SPOCK3: variants seen among roughly 807,000 people sequenced by gnomAD.
The protein encoded by SPOCK3 is testican-3.
In SPOCK3, 30 loss-of-function variants were observed where a neutral mutation model predicts 56.6. The ratio of observed to expected loss-of-function variants is 0.53; its 90% CI spans 0.40 to 0.72. The LOEUF (loss-of-function observed/expected upper bound fraction) is 0.72. SPOCK3 is among the 30% of genes least tolerant of loss of function. SPOCK3 has a pLI of 0.00. For missense variants in SPOCK3, 527 were observed against 530.0 expected (o/e 0.99, Z 0.06); for synonymous variants, 196 against 183.3 (o/e 1.07, Z -0.56).
chr4:167,187,733 G>T (rs1458201169), intron 2 of SPOCK3, among the ~76,000 whole-genome samples: 3 of 151,940 alleles, frequency 2.0e-5, no homozygotes, highest in African/African-American at 7.3e-5. Context: ...TTAGAAAAAT[G>T]AACTCCTTTA....
At chr4:166,994,221 T>A (rs893215066) in intron 4 of SPOCK3, among the ~76,000 whole-genome samples, 5 of 152,190 alleles carry the variant, frequency 3.3e-5, no homozygotes, top group African/African-American at 1.2e-4. Context: ...TAGCTAACCC[T>A]ATCATAATGC....
chr4:166,806,717 A>C (rs1481825102), intron 6 of SPOCK3, among the ~76,000 whole-genome samples: 1 of 152,024 alleles, frequency 6.6e-6, no homozygotes, highest in African/African-American at 2.4e-5. Context: ...CTATTAATGC[A>C]TTGTCTTAAA....
chr4:166,824,926 C>T (rs542725499), intron 6 of SPOCK3, among the ~76,000 whole-genome samples: 42 of 152,098 alleles, frequency 2.8e-4, no homozygotes, highest in African/African-American at 9.9e-4. Flanking sequence ...GCAATTTAAA[C>T]CTACTCTATG....
At chr4:166,993,801 T>C (rs34260276) in intron 4 of SPOCK3, among the ~76,000 whole-genome samples, 3,983 of 152,274 alleles carry the variant, frequency 0.026, 82 homozygotes, top group Middle Eastern at 0.061. Flanking sequence ...AATTCTACCT[T>C]GGGTTGGGAG....
At chr4:166,851,612 G>T (rs1205369443) in intron 6 of SPOCK3, among the ~76,000 whole-genome samples, 1 of 152,228 alleles carries the variant, frequency 6.6e-6, no homozygotes, top group Non-Finnish European at 1.5e-5. Flanking sequence ...CCAATACAGA[G>T]AAGTGCTTAA....
chr4:166,852,964 A>C (rs987228188), intron 6 of SPOCK3, among the ~76,000 whole-genome samples: 2 of 152,218 alleles, frequency 1.3e-5, no homozygotes, highest in Non-Finnish European at 2.9e-5. Context: ...TGAATTAGTG[A>C]GACCACCTTT....
At chr4:166,978,306 G>A (rs142237268) in intron 4 of SPOCK3, among the ~76,000 whole-genome samples, 1,930 of 152,218 alleles carry the variant, frequency 0.013, 18 homozygotes, top group Non-Finnish European at 0.019. Context: ...GAAATGGCAA[G>A]CAGAGATTGA....
intron 9 of SPOCK3, among the ~76,000 whole-genome samples, chr4:166,738,399 A>G (rs1175739559): frequency 1.5e-5 from 2 of 131,012 alleles, no homozygotes; most frequent in Non-Finnish European, 3.2e-5. Flanking sequence ...GAATAGTAGA[A>G]CAGATAGATA....
intron 2 of SPOCK3, among the ~76,000 whole-genome samples, chr4:167,175,677 A>G (rs759750956): frequency 9.2e-5 from 14 of 152,100 alleles, no homozygotes; most frequent in Non-Finnish European, 1.5e-5. Flanking sequence ...AAAGACAGGC[A>G]TCTATGAGCT....
intron 6 of SPOCK3, among the ~76,000 whole-genome samples, chr4:166,818,652 C>A (rs1744615742): frequency 6.6e-6 from 1 of 151,964 alleles, no homozygotes; most frequent in South Asian, 2.1e-4. Flanking sequence ...TCACTTATCA[C>A]AACTAATGGT....
At chr4:166,763,133 G>GA (rs34313837) in intron 7 of SPOCK3, among the ~76,000 whole-genome samples, 208 of 145,520 alleles carry the variant, frequency 1.4e-3, no homozygotes, top group East Asian at 8.3e-3. Flanking sequence ...GCATCAAAAA[G>GA]AAAAAAAAAA....
intron 4 of SPOCK3, among the ~76,000 whole-genome samples, chr4:166,968,073 G>C (rs1284810815): frequency 6.6e-6 from 1 of 152,106 alleles, no homozygotes; most frequent in African/African-American, 2.4e-5. Flanking sequence ...GATGATTTAG[G>C]GTAGCTGGTG....
chr4:166,844,963 A>C (rs1249546730), intron 6 of SPOCK3, among the ~76,000 whole-genome samples: 1 of 152,192 alleles, frequency 6.6e-6, no homozygotes, highest in East Asian at 1.9e-4. Flanking sequence ...CTTTGTTGAT[A>C]TTTGGATTGC....
chr4:167,186,484 G>A (rs910107660), intron 2 of SPOCK3, among the ~76,000 whole-genome samples: 7 of 151,594 alleles, frequency 4.6e-5, no homozygotes, highest in African/African-American at 1.7e-4. Flanking sequence ...AAAATTAGCT[G>A]AGCGTGGTGG....
chr4:166,767,870 C>T (rs1273550030), intron 7 of SPOCK3, among the ~76,000 whole-genome samples: 1 of 152,168 alleles, frequency 6.6e-6, no homozygotes, highest in African/African-American at 2.4e-5. Flanking sequence ...AATCTGGATG[C>T]TCCCATATTG....
At chr4:167,170,699 G>C (rs1561288354) in intron 2 of SPOCK3, among the ~76,000 whole-genome samples, 1 of 152,096 alleles carries the variant, frequency 6.6e-6, no homozygotes, top group Non-Finnish European at 1.5e-5. Flanking sequence ...TCTCTATCAA[G>C]TTTTTAAGTT....
At chr4:166,968,919 C>T (rs1745054491) in intron 4 of SPOCK3, among the ~76,000 whole-genome samples, 1 of 152,200 alleles carries the variant, frequency 6.6e-6, no homozygotes, top group Non-Finnish European at 1.5e-5. Flanking sequence ...CTGTACCCTG[C>T]AGAGCCACAG....
At chr4:167,075,634 AT>A (rs1222791934) in intron 2 of SPOCK3, among the ~76,000 whole-genome samples, 1 of 151,874 alleles carries the variant, frequency 6.6e-6, no homozygotes. Context: ...CAATAACAAT[AT>A]TTTGCTTTTT....
chr4:167,095,564 T>C (rs557112051), intron 2 of SPOCK3, among the ~76,000 whole-genome samples: 1 of 152,014 alleles, frequency 6.6e-6, no homozygotes, highest in East Asian at 1.9e-4. Flanking sequence ...GTAGCCATAG[T>C]AACTAAAGAG....
Sources: allele counts gnomAD v4.1 joint callset (sites outside exome capture counted in the v4.1 genomes callset), GRCh38; gene constraint gnomAD v4.1.1; transcripts MANE v1.5; gene names NCBI Gene and HGNC (gene_info 2026-07-23, HGNC 2026-07-21).